SPTB: variants seen among roughly 807,000 people sequenced by gnomAD.
SPTB encodes spectrin beta, erythrocytic, also known as spectrin beta chain, erythrocytic.
Under a neutral mutation model 256.2 loss-of-function variants are expected in SPTB, and 45 were observed. That is an observed-to-expected ratio of 0.18 (90% CI 0.14 to 0.23). The LOEUF (loss-of-function observed/expected upper bound fraction) is 0.23, where lower values mean the gene tolerates loss of function less well. SPTB is among the 10% of genes least tolerant of loss of function. The pLI is 1.00. For synonymous variants in SPTB, 1,231 were observed against 1,243.1 expected (o/e 0.99, Z 0.21); for missense variants, 2,715 against 3,040.4 (o/e 0.89, Z 2.52).
At chr14:64,750,280 T>C in intron 33 of SPTB, 126 bp from the exon 34 acceptor site, 1 of 975,688 alleles carries the variant, frequency 1.0e-6, no homozygotes, top group Non-Finnish European at 1.5e-6. Context: ...CATGTTTTAT[T>C]GTTAAAAAAT....
Position 64,784,243 on chromosome 14 carries a change from T to G in SPTB, c.4002+4A>C, listed in dbSNP as rs1446280550. On this transcript the variant is annotated splice_donor_region_variant and intron_variant, in intron 19 of 35. Coordinates refer to ENST00000644917, the MANE Select transcript of SPTB (RefSeq NM_001355436.2). The stretch of plus-strand genomic sequence containing the variant: ...CCCACCCGCCGCCCAATCACTTTAC[T>G]TACCGCATCGATGTTCTCTAGCCAC... 1.7e-5 allele frequency: 27 copies of G among 1,614,064 alleles called. No homozygotes were observed. Among genetic ancestry groups the G allele is most frequent in the Non-Finnish European group, 2.2e-5 (26 of 1,180,010 alleles).
chr14:64,857,577 CAAAAAAAA>C (rs34021718), intron 1 of SPTB, among the ~76,000 whole-genome samples: 13 of 61,358 alleles, frequency 2.1e-4, no homozygotes, highest in African/African-American at 7.5e-4. Context: ...GACACTGCCT[CAAAAAAAA>C]AAAAAAAAAA....
Position 64,758,956 on chromosome 14 carries a change from G to A in SPTB, c.6346-5163C>T, listed in dbSNP as rs2082055888. On this transcript the variant is annotated intron_variant, in intron 32 of 35. Transcript: ENST00000644917. The surrounding 1 kb of genome is among the most constrained non-coding windows in gnomAD (Gnocchi z 4.6). ...AGAATCAACAATGGGGGCCTTATCA[G>A]GGAAGGGGGTGGGGGAGGCTGGAGA... Among the ~76,000 whole-genome samples, 1 of 152,246 alleles carries A rather than the reference G, an allele frequency of 6.6e-6. No individual in the cohort carries two copies. The highest frequency in any genetic ancestry group is 1.9e-4 in the East Asian group (1 of 5,180).
chr14:64,786,312 T>A lies in SPTB; in HGVS notation c.3561+92A>T. 2 of 1,505,328 alleles carry A rather than the reference T, an allele frequency of 1.3e-6. No homozygotes were observed. Among genetic ancestry groups the A allele is most frequent in the Admixed American group, 1.7e-5 (1 of 59,908 alleles). 93.2% of individuals were successfully genotyped at this position (1,505,328 alleles called of 1,614,324 possible). The stretch of plus-strand genomic sequence containing the variant: ...TACAGAGTACAAGACAAGAGTAATG[T>A]GGTCCCTGAGTCTTACAGCACATTT... On this transcript the variant is annotated intron_variant, in intron 16 of 35. Coordinates refer to ENST00000644917, the MANE Select transcript of SPTB (RefSeq NM_001355436.2). The surrounding 1 kb of genome is among the most constrained non-coding windows in gnomAD (Gnocchi z 5.6).
chr14:64,829,163 T>C (rs1372429846), intron 1 of SPTB, among the ~76,000 whole-genome samples: 1 of 152,204 alleles, frequency 6.6e-6, no homozygotes, highest in Non-Finnish European at 1.5e-5. Flanking sequence ...TGAACCTGAA[T>C]TTATTAATAA....
intron 1 of SPTB, among the ~76,000 whole-genome samples, chr14:64,855,786 T>C (rs1434240072): frequency 1.3e-5 from 2 of 152,126 alleles, no homozygotes; most frequent in Admixed American, 6.5e-5. Context: ...AGGGGAGGTG[T>C]TCCAGGCATG....
In SPTB at chr14:64,775,917, C is replaced by T. The variant is rs1428098950; in HGVS notation, c.4564-514G>A. On this transcript the variant is annotated intron_variant, in intron 22 of 35. Transcript: ENST00000644917. This position sits in a 1 kb window ranked among gnomAD's most constrained non-coding sequence, Gnocchi z 5.0. ...ATCTAAAAGAACAGGTGACAGCAGCCCCTTGCTTACAGTCTCAGCTTTTGT... is the reference window on the plus strand; with the variant it reads ...ATCTAAAAGAACAGGTGACAGCAGCTCCTTGCTTACAGTCTCAGCTTTTGT... 6.6e-6 allele frequency among the ~76,000 whole-genome samples: 1 copy of T among 152,176 alleles called. No individual in the cohort carries two copies. Among genetic ancestry groups the T allele is most frequent in the Non-Finnish European group, 1.5e-5 (1 of 68,024 alleles).
At chr14:64,766,955 C>T (rs548659378) in intron 31 of SPTB, among the ~76,000 whole-genome samples, 154 bp from the exon 32 acceptor site, 39 of 152,110 alleles carry the variant, frequency 2.6e-4, no homozygotes, top group South Asian at 6.2e-4. Flanking sequence ...GGCAAGGAGC[C>T]GCCCAGCGAC....
intron 1 of SPTB, among the ~76,000 whole-genome samples, chr14:64,842,396 G>A (rs17102205): frequency 0.024 from 3,637 of 152,280 alleles, 148 homozygotes; most frequent in African/African-American, 0.082. Context: ...ATCCGGGGAC[G>A]TGAACCAGGC....
At chr14:64,787,924 T>C (rs1458459038) in intron 15 of SPTB, among the ~76,000 whole-genome samples, 3 of 152,208 alleles carry the variant, frequency 2.0e-5, no homozygotes, top group Non-Finnish European at 4.4e-5. Context: ...TGCATCACTG[T>C]AATATGCAGG....
chr14:64,815,333 A>G (rs918872418), intron 2 of SPTB, among the ~76,000 whole-genome samples: 1 of 152,134 alleles, frequency 6.6e-6, no homozygotes, highest in Non-Finnish European at 1.5e-5. Context: ...AATGAAGAAC[A>G]TTCAATAGGG....
chr14:64,848,525 G>A (rs1351148012), intron 1 of SPTB, among the ~76,000 whole-genome samples: 3 of 152,138 alleles, frequency 2.0e-5, no homozygotes, highest in Admixed American at 1.3e-4. Context: ...AGTTGGTACT[G>A]AGGCACAATA....
At chr14:64,835,134 C>T (rs796429317) in intron 1 of SPTB, among the ~76,000 whole-genome samples, 1 of 152,136 alleles carries the variant, frequency 6.6e-6, no homozygotes. Flanking sequence ...CATCCCTGGC[C>T]GGCATGCCTA....
chr14:64,784,960 T>A (rs932606802), intron 18 of SPTB, among the ~76,000 whole-genome samples: 33 of 152,178 alleles, frequency 2.2e-4, no homozygotes, highest in Admixed American at 2.6e-4. Flanking sequence ...TGGTCCCAGG[T>A]TGAGCAAGGA....
rs1225580554 is a variant in SPTB at position 64,866,184 on chromosome 14, C to T, written c.-52+13608G>A. Reference sequence around the variant, plus strand: ...ACCTTCACTATGGCACCTAGTAATCCTCGAGATGGGGTGATGATCACTAGC... The same window carrying T: ...ACCTTCACTATGGCACCTAGTAATCTTCGAGATGGGGTGATGATCACTAGC... On this transcript the variant is annotated intron_variant, in intron 1 of 35. Coordinates refer to ENST00000644917, the MANE Select transcript of SPTB (RefSeq NM_001355436.2). The surrounding 1 kb of genome is among the most constrained non-coding windows in gnomAD (Gnocchi z 4.6). Among the ~76,000 whole-genome samples, 1 of 152,188 alleles carries T rather than the reference C, an allele frequency of 6.6e-6. No homozygotes were observed. The highest frequency in any genetic ancestry group is 1.5e-5 in the Non-Finnish European group (1 of 68,030).
intron 1 of SPTB, among the ~76,000 whole-genome samples, chr14:64,869,723 C>T (rs934196104): frequency 5.3e-5 from 8 of 149,762 alleles, no homozygotes; most frequent in African/African-American, 1.5e-4. Flanking sequence ...CCTGGGCTCA[C>T]GTGATTCTCC....
Position 64,867,747 on chromosome 14 carries a change from G to A in SPTB, c.-52+12045C>T, listed in dbSNP as rs531878000. Among the ~76,000 whole-genome samples, 13 of 152,088 alleles carry A rather than the reference G, an allele frequency of 8.5e-5. No individual in the cohort carries two copies. The South Asian group carries it at 1.2e-3, about 15-fold the overall frequency. On this transcript the variant is annotated intron_variant, in intron 1 of 35. Transcript: ENST00000644917. ...CGGGCACCTGTAATCCCAGCCACTC[G>A]GGAGGCTGAGGCAGGAGAATCACTT...
intron 2 of SPTB, among the ~76,000 whole-genome samples, chr14:64,814,384 T>C (rs933178145): frequency 6.6e-6 from 1 of 152,232 alleles, no homozygotes; most frequent in African/African-American, 2.4e-5. Context: ...TCTATAGACA[T>C]TAAAGTGTCT....
rs77421089 is a variant in SPTB at position 64,774,371 on chromosome 14, C to T, written c.4973+26G>A. On this transcript the variant is annotated intron_variant, in intron 24 of 35. Transcript: ENST00000644917. ...CCTGGCTCAATCCCCATCTCCTGAC[C>T]GAGTCACCACAGGGGGCGCACGCAC... 2,246 of 1,577,894 alleles carry T rather than the reference C, an allele frequency of 1.4e-3. 30 individuals carry two copies. The African/African-American group carries it at 0.026, about 18-fold the overall frequency.
Sources: allele counts gnomAD v4.1 joint callset (sites outside exome capture counted in the v4.1 genomes callset), GRCh38; gene constraint gnomAD v4.1.1; non-coding constraint Gnocchi (gnomAD v3.1); transcripts MANE v1.5; gene names NCBI Gene and HGNC (gene_info 2026-07-23, HGNC 2026-07-21).